The following NAV2 variants were observed in gnomAD, a reference collection of about 807,000 sequenced individuals.
NAV2 encodes the protein neuron navigator 2.
A neutral mutation model predicts 223.2 loss-of-function variants in NAV2; 54 were observed. That is an observed-to-expected ratio of 0.24 (90% CI 0.19 to 0.30). NAV2 has a LOEUF of 0.30. NAV2 is among the 10% of genes least tolerant of loss of function. The pLI is 1.00. For missense variants in NAV2, 2,806 were observed against 3,147.5 expected, an observed-to-expected ratio of 0.89 and a Z score of 2.60; for synonymous variants, 1,279 against 1,239.3, an observed-to-expected ratio of 1.03 and a Z score of -0.67.
At chr11:19,770,639 C>T (rs17602313) in intron 1 of NAV2, among the ~76,000 whole-genome samples, 20,371 of 152,098 alleles carry the variant, frequency 0.13, 1,473 homozygotes, top group African/African-American at 0.14. Context: ...TGCTTGGGAC[C>T]AGTTTGTCTG....
At position 19,985,668 on chromosome 11, in the gene NAV2, C is replaced by T. The variant is rs143930293; in HGVS notation, c.2768+1421C>T. 3.6e-3 allele frequency among the ~76,000 whole-genome samples: 549 copies of T among 152,182 alleles called. 23 individuals are homozygous for T. The East Asian group carries it at 0.09, about 25-fold the overall frequency. The stretch of plus-strand genomic sequence containing the variant: ...CCTGGCTTACTGCAACCTCCATCTC[C>T]CGGGTTCAAGCAATTCTCCTGCCTC... On this transcript the variant is annotated intron_variant, in intron 11 of 37. Coordinates refer to ENST00000349880, the MANE Select transcript of NAV2 (RefSeq NM_145117.5).
At chr11:19,867,878 C>T (rs569019718) in intron 3 of NAV2, among the ~76,000 whole-genome samples, 15 of 152,312 alleles carry the variant, frequency 9.8e-5, no homozygotes, top group African/African-American at 2.2e-4. Flanking sequence ...TGGAGCTAGA[C>T]GCTACTCAAA....
chr11:20,002,799 C>T (rs1443093037), intron 11 of NAV2, among the ~76,000 whole-genome samples: 1 of 152,146 alleles, frequency 6.6e-6, no homozygotes, highest in Non-Finnish European at 1.5e-5. Context: ...CCCCAGCGCC[C>T]CTGGAACTGT....
At chr11:19,732,361 C>T (rs1278633232) in intron 1 of NAV2, among the ~76,000 whole-genome samples, 2 of 152,100 alleles carry the variant, frequency 1.3e-5, no homozygotes, top group African/African-American at 2.4e-5. Flanking sequence ...CTCTTTGTGC[C>T]TTAGTTTTCT....
intron 18 of NAV2, 152 bp downstream of exon 18, chr11:20,054,392 G>T: frequency 1.5e-6 from 1 of 685,226 alleles, no homozygotes; most frequent in East Asian, 3.0e-5. Context: ...CTGAGATTTT[G>T]GTGCACCCAT....
chr11:20,102,681 A>G (rs1047570089), intron 32 of NAV2, among the ~76,000 whole-genome samples: 3 of 152,068 alleles, frequency 2.0e-5, no homozygotes, highest in South Asian at 2.1e-4. Context: ...CCACTGATGC[A>G]CCATTATTCT....
intron 11 of NAV2, among the ~76,000 whole-genome samples, chr11:20,002,408 G>A (rs905050759): frequency 1.3e-5 from 2 of 152,142 alleles, no homozygotes; most frequent in Admixed American, 6.5e-5. Context: ...GGTCGTGAGC[G>A]ACTAAAGGAA....
the NAV2 span, among the ~76,000 whole-genome samples, chr11:19,345,332 C>T: frequency 6.6e-6 from 1 of 152,234 alleles, no homozygotes; most frequent in Non-Finnish European, 1.5e-5. This position sits in a 1 kb window ranked among gnomAD's most constrained non-coding sequence, Gnocchi z 5.2. Flanking sequence ...CCTATGCTGC[C>T]TCCCCCAGGT....
At chr11:19,502,409 A>G (rs1206816302) in intron 1 of NAV2, among the ~76,000 whole-genome samples, 2 of 152,206 alleles carry the variant, frequency 1.3e-5, no homozygotes, top group African/African-American at 4.8e-5. Flanking sequence ...CAGGCTACAG[A>G]AGTGCCAGAT....
intron 1 of NAV2, among the ~76,000 whole-genome samples, chr11:19,669,352 C>T (rs1250713392): frequency 6.6e-6 from 1 of 152,198 alleles, no homozygotes; most frequent in Non-Finnish European, 1.5e-5. Flanking sequence ...CCTTCCTTTC[C>T]TTCTTCACTG....
chr11:19,820,784 G>A (rs1315021005), intron 1 of NAV2, among the ~76,000 whole-genome samples: 4 of 152,188 alleles, frequency 2.6e-5, no homozygotes, highest in African/African-American at 9.7e-5. Flanking sequence ...CTAAATGTTT[G>A]GTCCTGGCGT....
rs560367846 is a variant in NAV2 at position 19,437,851 on chromosome 11, C to G, written c.75+86824C>G. 2.0e-5 allele frequency among the ~76,000 whole-genome samples: 3 copies of G among 152,288 alleles called. No homozygotes were observed. The South Asian group carries it at 6.2e-4, about 32-fold the overall frequency. On this transcript the variant is annotated intron_variant, in intron 1 of 37. Coordinates refer to the NAV2 transcript ENST00000360655. Reference sequence around the variant, plus strand: ...ATTGTGCAAGCATAAAAAAGACAGGCAAAATACATTGAATAAGTATTCCTC... The same window carrying G: ...ATTGTGCAAGCATAAAAAAGACAGGGAAAATACATTGAATAAGTATTCCTC...
chr11:19,552,819 GT>G (rs2044732727), intron 1 of NAV2, among the ~76,000 whole-genome samples: 1 of 149,578 alleles, frequency 6.7e-6, no homozygotes. Context: ...CTGGGCAGCA[GT>G]TCCACCCACC....
At chr11:19,509,410 T>C (rs1235356031) in intron 1 of NAV2, among the ~76,000 whole-genome samples, 1 of 152,090 alleles carries the variant, frequency 6.6e-6, no homozygotes, top group African/African-American at 2.4e-5. Context: ...CATTATGGAG[T>C]TTGAGCAAGG....
intron 1 of NAV2, among the ~76,000 whole-genome samples, chr11:19,570,991 C>G (rs1277442023): frequency 6.6e-6 from 1 of 152,170 alleles, no homozygotes; most frequent in African/African-American, 2.4e-5. Context: ...CATGAATGTT[C>G]ATAGCAGCAG....
At chr11:19,544,206 C>T (rs545590063) in intron 1 of NAV2, among the ~76,000 whole-genome samples, 237 of 152,236 alleles carry the variant, frequency 1.6e-3, no homozygotes, top group African/African-American at 5.4e-3. Flanking sequence ...CCATCAAAAC[C>T]GAGTGATTGA....
chr11:19,922,611 A>G (rs2044374336), intron 6 of NAV2, among the ~76,000 whole-genome samples: 1 of 152,142 alleles, frequency 6.6e-6, no homozygotes, highest in Non-Finnish European at 1.5e-5. Context: ...CAGGGAAGCT[A>G]TGTTACTTAA....
chr11:19,685,265 T>G (rs1010841333), intron 1 of NAV2, among the ~76,000 whole-genome samples: 3 of 152,186 alleles, frequency 2.0e-5, no homozygotes, highest in Admixed American at 6.5e-5. Flanking sequence ...TCCAGCCAAA[T>G]GGGAGTTTTC....
chr11:19,542,705 A>C (rs1158036905), intron 1 of NAV2, among the ~76,000 whole-genome samples: 1 of 152,246 alleles, frequency 6.6e-6, no homozygotes, highest in Non-Finnish European at 1.5e-5. Flanking sequence ...TTTGACCCTA[A>C]ACACATACTC....
Sources: gnomAD v4.1 joint callset for allele counts (sites outside exome capture counted in the v4.1 genomes callset) on GRCh38, gnomAD v4.1.1 for gene constraint, Gnocchi (gnomAD v3.1) non-coding constraint, MANE v1.5 for transcripts, NCBI Gene and HGNC (gene_info 2026-07-23, HGNC 2026-07-21) for gene names.